Variants in OSCP1 observed in about 807,000 individuals in gnomAD.
OSCP1 encodes the protein protein OSCP1.
In OSCP1, 35 loss-of-function variants were observed where a neutral mutation model predicts 45.1. That is an observed-to-expected ratio of 0.78 (90% CI 0.59 to 1.03). OSCP1 has a LOEUF of 1.03. Ranked by LOEUF, OSCP1 falls within the 50% of genes least tolerant of loss-of-function variation. OSCP1 has a pLI of 0.00. For synonymous variants in OSCP1, 179 were observed against 180.1 expected (o/e 0.99, Z 0.05); for missense variants, 400 against 470.7 (o/e 0.85, Z 1.39).
intron 7 of OSCP1, 50 bp downstream of exon 7, chr1:36,422,100 C>T: frequency 1.3e-6 from 2 of 1,542,276 alleles, no homozygotes; most frequent in Admixed American, 1.7e-5. Context: ...ATGTAGACTT[C>T]CGTATCTAGA....
chr1:36,439,750 C>A (rs1035246843), intron 1 of OSCP1, among the ~76,000 whole-genome samples: 12 of 152,156 alleles, frequency 7.9e-5, no homozygotes, highest in South Asian at 2.1e-4. Context: ...GATCTATAAT[C>A]TTGATACTAC....
chr1:36,425,172 CAA>C (rs60875318), intron 4 of OSCP1, among the ~76,000 whole-genome samples: 66 of 118,440 alleles, frequency 5.6e-4, no homozygotes, highest in East Asian at 1.6e-3. Flanking sequence ...GACTCTGTCT[CAA>C]AAAAAAAAAA....
At chr1:36,434,923 A>T (rs1265237901) in intron 2 of OSCP1, among the ~76,000 whole-genome samples, 6 of 152,006 alleles carry the variant, frequency 3.9e-5, no homozygotes, top group Admixed American at 3.3e-4. Flanking sequence ...GAAATAAAGA[A>T]TAAAAACAGG....
chr1:36,420,212 G>T (rs1169222450), intron 8 of OSCP1: 6 of 279,252 alleles, frequency 2.1e-5, no homozygotes, highest in African/African-American at 1.2e-4. Context: ...TCCTGACCTT[G>T]TGATCCGCCT....
rs541380276 is a variant in OSCP1, at chr1:36,439,194, TTGA to T, written c.113-287_113-285del. On this transcript the variant is annotated intron_variant, in intron 1 of 9. Transcript: ENST00000235532. Reference sequence around the variant, plus strand: ...ACTCCTTATATAAATATTATCTCACTTGATGATAAGAGGAATATTTCTTCTTTC... The same window carrying T: ...ACTCCTTATATAAATATTATCTCACTTGATAAGAGGAATATTTCTTCTTTC... Among the ~76,000 whole-genome samples, 316 of 152,336 alleles carry T rather than the reference TTGA, an allele frequency of 2.1e-3. 1 individual carries two copies. Among genetic ancestry groups the T allele is most frequent in the Non-Finnish European group, 2.5e-3 (167 of 68,026 alleles).
intron 2 of OSCP1, among the ~76,000 whole-genome samples, chr1:36,436,622 T>A (rs976738853): frequency 6.6e-6 from 1 of 152,188 alleles, no homozygotes; most frequent in African/African-American, 2.4e-5. Flanking sequence ...CCCAAAGCAC[T>A]GATATTAGAG....
At chr1:36,426,912 G>C (rs1647997038) in intron 4 of OSCP1, among the ~76,000 whole-genome samples, 1 of 151,964 alleles carries the variant, frequency 6.6e-6, no homozygotes, top group South Asian at 2.1e-4. Flanking sequence ...CACCATGTTG[G>C]CCAGGCTGGT....
In OSCP1 at chr1:36,420,490, G is replaced by T. The variant is rs755449706; in HGVS notation, c.945C>A (p.Thr315=). The part of the protein sequence containing the change: ...EPGFRLNLFT[T]DEEEEQAALT... ...TTAAAACATACTCCTCTTCTTCATC[G>T]GTGGTAAAGAGATTCAACCGGAATC... Residue 315 remains threonine, a synonymous_variant, in exon 8 of 10, where the codon ACC becomes ACA. Coordinates refer to ENST00000235532, the MANE Select transcript of OSCP1 (RefSeq NM_145047.5). 1.2e-6 allele frequency: 2 copies of T among 1,613,462 alleles called. No homozygotes were observed. The highest frequency in any genetic ancestry group is 2.7e-5 in the African/African-American group (2 of 74,826).
chr1:36,437,513 TA>T (rs1047745305), intron 2 of OSCP1, among the ~76,000 whole-genome samples: 1 of 152,010 alleles, frequency 6.6e-6, no homozygotes, highest in Non-Finnish European at 1.5e-5. Flanking sequence ...AAAAATTGTT[TA>T]TTTATTTTAC....
chr1:36,431,914 C>G (rs1324020307), intron 3 of OSCP1, 32 bp from the exon 4 acceptor site: 5 of 1,603,690 alleles, frequency 3.1e-6, no homozygotes, highest in Non-Finnish European at 3.4e-6. Flanking sequence ...CAGCACTTCA[C>G]TTTCCAAGAG....
intron 1 of OSCP1, among the ~76,000 whole-genome samples, chr1:36,446,186 G>A (rs969677351): frequency 6.7e-6 from 1 of 150,172 alleles, no homozygotes; most frequent in Non-Finnish European, 1.5e-5. Context: ...CCACAACAGG[G>A]TAATTTTTGT....
Position 36,419,015 on chromosome 1 carries a change from T to A in OSCP1, c.999A>T (p.Glu333Asp). 1 of 1,612,198 alleles carries A rather than the reference T, an allele frequency of 6.2e-7. No individual in the cohort carries two copies. Among genetic ancestry groups the A allele is most frequent in the Non-Finnish European group, 8.5e-7 (1 of 1,178,264 alleles). Residue 333 changes from glutamate (E) to aspartate (D), a missense_variant, in exon 9 of 10, where the codon GAA (glutamate) becomes GAT (aspartate). By Grantham distance (45) the Glu-to-Asp change is conservative. Transcript: ENST00000235532. ...CCTGGGTGGCTTGTATGTTGATAAC[T>A]TCATAGGATAACTCTTCTGGCCTGG... Reference protein sequence around the residue: ...ALTRPEELSYEVINIQATQDQ... With the variant: ...ALTRPEELSYDVINIQATQDQ...
intron 4 of OSCP1, among the ~76,000 whole-genome samples, chr1:36,426,130 G>A (rs1242554194): frequency 1.3e-5 from 2 of 152,198 alleles, no homozygotes; most frequent in East Asian, 1.9e-4. Context: ...AGGGATGTGA[G>A]TACAAGAAAG....
chr1:36,431,808 G>A lies in OSCP1; in HGVS notation c.510C>T (p.His170=), dbSNP rs779402031. ...QTLLIFFQDL[H]IRVSMFLKDK... ...GGGCTGCCTATTGACTTACTCGGAT[G>A]TGCAGGTCTTGGAAGAAGATGAGGA... is the stretch of plus-strand genomic sequence containing the variant. Residue 170 remains histidine (H), a synonymous_variant, in exon 4 of 10, where the codon CAC becomes CAT. Coordinates refer to ENST00000235532, the MANE Select transcript of OSCP1 (RefSeq NM_145047.5). The A allele has an allele frequency of 2.5e-6, 4 of 1,613,442 alleles. No homozygotes were observed. Among genetic ancestry groups the A allele is most frequent in the East Asian group, 2.2e-5 (1 of 44,878 alleles).
intron 1 of OSCP1, among the ~76,000 whole-genome samples, chr1:36,439,242 T>A (rs1451863933): frequency 6.6e-6 from 1 of 152,132 alleles, no homozygotes; most frequent in Non-Finnish European, 1.5e-5. Context: ...GATTACTGGC[T>A]GGGTGTGGTG....
rs200297889 is a variant in OSCP1 at position 36,430,882 on chromosome 1, T to C, written c.516+920A>G. 2.6e-3 allele frequency among the ~76,000 whole-genome samples: 398 copies of C among 152,308 alleles called. 1 individual carries two copies. Among genetic ancestry groups the C allele is most frequent in the Non-Finnish European group, 2.9e-3 (196 of 68,022 alleles). Reference sequence around the variant, plus strand: ...GTTGGCCAGGCTGGTCTCAAACTCCTGACCTCAGGTGATCTGCCCACCTTG... The same window carrying C: ...GTTGGCCAGGCTGGTCTCAAACTCCCGACCTCAGGTGATCTGCCCACCTTG... On this transcript the variant is annotated intron_variant, in intron 4 of 9. Coordinates refer to ENST00000235532, the MANE Select transcript of OSCP1 (RefSeq NM_145047.5).
intron 4 of OSCP1, among the ~76,000 whole-genome samples, chr1:36,423,881 T>TA (rs894339094): frequency 6.7e-6 from 1 of 149,276 alleles, no homozygotes; most frequent in South Asian, 2.1e-4. Flanking sequence ...CTCAAAAAAA[T>TA]AAAAAAATAA....
intron 1 of OSCP1, among the ~76,000 whole-genome samples, chr1:36,441,243 CTCGTTTCACTCTTT>C (rs1649127004): frequency 2.6e-5 from 4 of 152,110 alleles, no homozygotes; most frequent in African/African-American, 9.7e-5. Flanking sequence ...GCTCCCTCTT[CTCGTTTCACTCTTT>C]GGAAATAAGA....
chr1:36,419,280 C>T, intron 8 of OSCP1: 1 of 538,238 alleles, frequency 1.9e-6, no homozygotes, highest in East Asian at 3.0e-5. Flanking sequence ...AATGTTTCTT[C>T]CCTTCCTCTG....
Sources: gnomAD v4.1 joint callset for allele counts (sites outside exome capture counted in the v4.1 genomes callset) on GRCh38, gnomAD v4.1.1 for gene constraint, MANE v1.5 for transcripts, NCBI Gene and HGNC (gene_info 2026-07-23, HGNC 2026-07-21) for gene names.